The following ELAPOR1 variants were observed in gnomAD, a reference collection of about 807,000 sequenced individuals.
ELAPOR1 encodes endosome/lysosome-associated apoptosis and autophagy regulator 1.
Under a neutral mutation model 119.7 loss-of-function variants are expected in ELAPOR1, and 77 were observed. The observed-to-expected ratio is 0.64, with a 90% CI of 0.54 to 0.78. ELAPOR1 has a LOEUF of 0.78. Ranked by LOEUF, ELAPOR1 falls within the 30% of genes least tolerant of loss-of-function variation. ELAPOR1 has a pLI of 0.00. For missense variants in ELAPOR1, 1,115 were observed against 1,270.4 expected (o/e 0.88, Z 1.86); for synonymous variants, 481 against 487.2 (o/e 0.99, Z 0.17).
chr1:109,202,785 G>A (rs1037499133), intron 21 of ELAPOR1, 159 bp from the exon 22 acceptor site: 3 of 757,482 alleles, frequency 4.0e-6, no homozygotes, highest in Non-Finnish European at 7.0e-6. Flanking sequence ...CCTGAAGGGA[G>A]CAAGCAGAAT....
chr1:109,194,731 A>T, intron 15 of ELAPOR1, 137 bp downstream of exon 15: 1 of 685,672 alleles, frequency 1.5e-6, no homozygotes, highest in Non-Finnish European at 2.4e-6. Flanking sequence ...TTTACATATT[A>T]TTCTCCCTGA....
intron 7 of ELAPOR1, among the ~76,000 whole-genome samples, chr1:109,178,183 G>T (rs1336495619): frequency 6.6e-6 from 1 of 151,884 alleles, no homozygotes; most frequent in East Asian, 1.9e-4. Flanking sequence ...CTAAATTTTT[G>T]TATTTTTAGT....
At chr1:109,197,848 C>A in intron 16 of ELAPOR1, 131 bp from the exon 17 acceptor site, 2 of 1,004,638 alleles carry the variant, frequency 2.0e-6, no homozygotes, top group Non-Finnish European at 3.0e-6. Context: ...ACCCTTGTTT[C>A]ACCCTTTCAT....
In ELAPOR1 at chr1:109,159,469, T is replaced by C. The variant is rs529147740; in HGVS notation, c.154-2425T>C. Among the ~76,000 whole-genome samples, 9 of 152,296 alleles carry C rather than the reference T, an allele frequency of 5.9e-5. No homozygotes were observed. The South Asian group carries it at 8.3e-4, about 14-fold the overall frequency. Reference sequence around the variant, plus strand: ...ATGCAGTCAGAATGAACTGAGATGATCTTCGAACAGATTAGATATTTTAAC... The same window carrying C: ...ATGCAGTCAGAATGAACTGAGATGACCTTCGAACAGATTAGATATTTTAAC... On this transcript the variant is annotated intron_variant, in intron 1 of 21. Transcript: ENST00000369939.
At position 109,164,666 on chromosome 1, in the gene ELAPOR1, G is replaced by A; in HGVS notation, c.442G>A (p.Ala148Thr). The A allele has an allele frequency of 6.2e-7, 1 of 1,614,138 alleles. No homozygotes were observed. The change falls in exon 3 of 22, where the codon GCT becomes ACT. Residue 148 changes from alanine to threonine, a missense_variant. Ala to Thr is a moderately conservative substitution (Grantham distance 58). Coordinates refer to ENST00000369939, the MANE Select transcript of ELAPOR1 (RefSeq NM_020775.5). ...SANMELDDSA[A>T]ESTGNCTSSK... The stretch of plus-strand genomic sequence containing the variant: ...CAACATGGAGCTGGATGACAGTGCT[G>A]CTGAGTCCACCGGGAACTGTACTTC...
At chr1:109,187,384 A>G in intron 8 of ELAPOR1, 1 of 985,826 alleles carries the variant, frequency 1.0e-6, no homozygotes, top group Non-Finnish European at 1.2e-6. Context: ...CCATCAGTTA[A>G]GGCAGTCTGT....
intron 1 of ELAPOR1, among the ~76,000 whole-genome samples, chr1:109,159,198 C>T (rs901470986): frequency 1.8e-4 from 28 of 152,104 alleles, no homozygotes; most frequent in African/African-American, 6.5e-4. Context: ...CCGCCCTAAG[C>T]TTATGTCTTG....
intron 11 of ELAPOR1, among the ~76,000 whole-genome samples, chr1:109,190,214 G>A (rs949791896): frequency 2.6e-5 from 4 of 152,192 alleles, no homozygotes; most frequent in African/African-American, 9.7e-5. Context: ...GGGCACTTGT[G>A]CTTTGCCGCT....
chr1:109,152,989 G>A lies in ELAPOR1; in HGVS notation c.154-8905G>A, dbSNP rs1242566330. Among the ~76,000 whole-genome samples, 5 of 150,268 alleles carry A rather than the reference G, an allele frequency of 3.3e-5. 1 individual carries two copies. The highest frequency in any genetic ancestry group is 2.1e-4 in the South Asian group (1 of 4,712). On this transcript the variant is annotated intron_variant, in intron 1 of 21. Coordinates refer to ENST00000369939, the MANE Select transcript of ELAPOR1 (RefSeq NM_020775.5). ...AAAAAAGAAAGAAAAAAAGGACCAC[G>A]AAAAATGAAAAATGACAGTCTCATG...
chr1:109,133,355 CA>C (rs10708270), intron 1 of ELAPOR1, among the ~76,000 whole-genome samples: 49,710 of 137,920 alleles, frequency 0.36, 9,784 homozygotes, highest in African/African-American at 0.58. Flanking sequence ...AAGTAGAAGC[CA>C]AAAAAAAAAA....
At position 109,198,056 on chromosome 1, in the gene ELAPOR1, G is replaced by A; in HGVS notation, c.2380G>A (p.Asp794Asn). The A allele has an allele frequency of 6.2e-7, 1 of 1,613,734 alleles. No individual in the cohort carries two copies. Among genetic ancestry groups the A allele is most frequent in the South Asian group, 1.1e-5 (1 of 91,080 alleles). ...CCACCTGGAGTCCTTGGGAATACCG[G>A]ACGTGATCTTCTTTTATAGGTGAAG... Reference protein sequence around the residue: ...LFHLESLGIPDVIFFYRSNDV... With the variant: ...LFHLESLGIPNVIFFYRSNDV... Residue 794 changes from aspartate to asparagine, a missense_variant, in exon 17 of 22, where the codon GAC (aspartate) becomes AAC (asparagine). Asp to Asn is a conservative substitution (Grantham distance 23). Transcript: ENST00000369939.
intron 1 of ELAPOR1, among the ~76,000 whole-genome samples, chr1:109,147,708 G>A (rs1470279860): frequency 6.6e-6 from 1 of 152,034 alleles, no homozygotes; most frequent in Admixed American, 6.6e-5. Context: ...AATTTGTGGG[G>A]AGATATGGGA....
intron 7 of ELAPOR1, among the ~76,000 whole-genome samples, chr1:109,179,357 C>T (rs1163940725): frequency 2.1e-5 from 3 of 140,138 alleles, no homozygotes; most frequent in Non-Finnish European, 3.0e-5. Context: ...TGCAGTGAGC[C>T]GAGATCATGC....
chr1:109,191,608 G>C (rs572193175), intron 12 of ELAPOR1, 118 bp from the exon 13 acceptor site: 14 of 1,442,858 alleles, frequency 9.7e-6, no homozygotes, highest in South Asian at 7.4e-5. Flanking sequence ...GACCAGCAGG[G>C]ACTTCACAGT....
intron 7 of ELAPOR1, among the ~76,000 whole-genome samples, chr1:109,174,847 T>C (rs1019887422): frequency 2.0e-5 from 3 of 152,082 alleles, no homozygotes; most frequent in East Asian, 3.9e-4. Flanking sequence ...TCCTGAGTAG[T>C]TGGGACTACA....
intron 11 of ELAPOR1, among the ~76,000 whole-genome samples, chr1:109,190,093 C>G (rs539824140): frequency 5.9e-5 from 9 of 152,240 alleles, no homozygotes; most frequent in Admixed American, 3.3e-4. Flanking sequence ...CCAGGAAGAC[C>G]TAGGGCAACA....
chr1:109,190,815 G>C (rs942619605), intron 11 of ELAPOR1, among the ~76,000 whole-genome samples: 1 of 152,168 alleles, frequency 6.6e-6, no homozygotes, highest in African/African-American at 2.4e-5. Flanking sequence ...GACTTTGCTG[G>C]ATCACAAATT....
chr1:109,199,545 A>G (rs1276973469), intron 18 of ELAPOR1, among the ~76,000 whole-genome samples: 1 of 151,058 alleles, frequency 6.6e-6, no homozygotes, highest in South Asian at 2.1e-4. Flanking sequence ...TGGGGAGGAC[A>G]GGAACCTCAA....
At chr1:109,153,929 C>A (rs1343759831) in intron 1 of ELAPOR1, among the ~76,000 whole-genome samples, 1 of 152,030 alleles carries the variant, frequency 6.6e-6, no homozygotes. Context: ...GTATTTTCAT[C>A]TTTCCTGCAT....
Sources: gnomAD v4.1 joint callset for allele counts (sites outside exome capture counted in the v4.1 genomes callset) on GRCh38, gnomAD v4.1.1 for gene constraint, MANE v1.5 for transcripts, NCBI Gene and HGNC (gene_info 2026-07-23, HGNC 2026-07-21) for gene names.